SLC44A5: variants seen among roughly 807,000 people sequenced by gnomAD.
The protein encoded by SLC44A5 is choline transporter-like protein 5.
Under a neutral mutation model 101.8 loss-of-function variants are expected in SLC44A5, and 57 were observed. That is an observed-to-expected ratio of 0.56 (90% CI 0.45 to 0.70). SLC44A5 has a LOEUF of 0.70. Ranked by LOEUF, SLC44A5 falls within the 30% of genes least tolerant of loss-of-function variation. SLC44A5 has a pLI of 0.00. For synonymous variants in SLC44A5, 281 were observed against 290.9 expected (o/e 0.97, Z 0.35); for missense variants, 737 against 853.1 (o/e 0.86, Z 1.70).
At chr1:75,438,099 A>C (rs1294345013) in intron 2 of SLC44A5, among the ~76,000 whole-genome samples, 1 of 152,130 alleles carries the variant, frequency 6.6e-6, no homozygotes, top group Non-Finnish European at 1.5e-5. Flanking sequence ...AAAATCAAGC[A>C]ATTCAAAGCC....
intron 15 of SLC44A5, among the ~76,000 whole-genome samples, 163 bp from the exon 16 acceptor site, chr1:75,219,507 G>A (rs1196597441): frequency 6.6e-6 from 1 of 152,048 alleles, no homozygotes; most frequent in Non-Finnish European, 1.5e-5. Flanking sequence ...AATGTAATGT[G>A]GGCCAGCTGC....
intron 4 of SLC44A5, among the ~76,000 whole-genome samples, chr1:75,335,045 C>T (rs142089042): frequency 3.9e-5 from 6 of 152,294 alleles, no homozygotes; most frequent in East Asian, 1.9e-4. Context: ...ACCAGTCCAC[C>T]GGTACTAATT....
chr1:75,420,537 T>A (rs2101556165), intron 2 of SLC44A5, among the ~76,000 whole-genome samples: 1 of 152,254 alleles, frequency 6.6e-6, no homozygotes, highest in Non-Finnish European at 1.5e-5. Flanking sequence ...TTTACATAAA[T>A]TTTGAAAAAG....
intron 3 of SLC44A5, among the ~76,000 whole-genome samples, chr1:75,395,076 G>A (rs1015931066): frequency 5.3e-5 from 8 of 151,960 alleles, no homozygotes; most frequent in Non-Finnish European, 8.8e-5. Flanking sequence ...AGCACTCAGT[G>A]GTACTTCTCT....
chr1:75,218,780 C>T, intron 16 of SLC44A5, 28 bp from the exon 17 acceptor site: 1 of 1,588,678 alleles, frequency 6.3e-7, no homozygotes, highest in Admixed American at 1.8e-5. Context: ...AACACAAGGA[C>T]ATAATATTAA....
chr1:75,588,576 T>TC (rs1674156821), intron 1 of SLC44A5, among the ~76,000 whole-genome samples: 1 of 152,114 alleles, frequency 6.6e-6, no homozygotes, highest in Non-Finnish European at 1.5e-5. Flanking sequence ...TGGGGTTTTT[T>TC]CTCCCCATCC....
intron 7 of SLC44A5, among the ~76,000 whole-genome samples, chr1:75,245,441 C>T (rs1329964055): frequency 6.6e-6 from 1 of 152,010 alleles, no homozygotes; most frequent in Non-Finnish European, 1.5e-5. Context: ...CTGAATAAAC[C>T]ATTAACATAT....
At chr1:75,694,047 G>A in the SLC44A5 span, among the ~76,000 whole-genome samples, 1 of 151,224 alleles carries the variant, frequency 6.6e-6, no homozygotes, top group Admixed American at 6.6e-5. Context: ...AGGAAATGGA[G>A]TTGAGTTTTT....
chr1:75,422,384 T>G (rs529919782), intron 2 of SLC44A5, among the ~76,000 whole-genome samples: 74 of 152,346 alleles, frequency 4.9e-4, no homozygotes, highest in African/African-American at 1.8e-3. Context: ...GCACAGTGTT[T>G]TGGACTTACA....
intron 3 of SLC44A5, among the ~76,000 whole-genome samples, chr1:75,391,002 G>C (rs930827947): frequency 6.6e-6 from 1 of 152,044 alleles, no homozygotes; most frequent in South Asian, 2.1e-4. Context: ...AAAGTTTTAG[G>C]ATACAAAATC....
chr1:75,465,746 G>C (rs765692723), intron 2 of SLC44A5, among the ~76,000 whole-genome samples: 1 of 152,078 alleles, frequency 6.6e-6, no homozygotes, highest in South Asian at 2.1e-4. Context: ...TGGCTACTAT[G>C]AGCAACTATA....
At chr1:75,475,950 C>T (rs545138855) in intron 2 of SLC44A5, among the ~76,000 whole-genome samples, 16 of 152,222 alleles carry the variant, frequency 1.1e-4, no homozygotes, top group East Asian at 5.8e-4. Context: ...TTCGGGAAGC[C>T]GAGGTGGGCG....
chr1:75,253,982 G>A (rs904696693), intron 6 of SLC44A5, among the ~76,000 whole-genome samples: 3 of 151,636 alleles, frequency 2.0e-5, no homozygotes, highest in South Asian at 4.2e-4. Flanking sequence ...TAGTATTTCA[G>A]CACAAATCTA....
intron 2 of SLC44A5, among the ~76,000 whole-genome samples, chr1:75,448,989 C>G (rs1391592376): frequency 6.6e-6 from 1 of 152,236 alleles, no homozygotes; most frequent in South Asian, 2.1e-4. Flanking sequence ...ACAGCATGCT[C>G]TCTCCCACCA....
At chr1:75,459,073 GC>G (rs2101686791) in intron 2 of SLC44A5, among the ~76,000 whole-genome samples, 2 of 152,254 alleles carry the variant, frequency 1.3e-5, no homozygotes, top group East Asian at 1.9e-4. Context: ...GAGGGATAGT[GC>G]CCCGGAGAAA....
intron 5 of SLC44A5, among the ~76,000 whole-genome samples, chr1:75,297,105 T>C (rs1654024335): frequency 6.6e-6 from 1 of 152,148 alleles, no homozygotes; most frequent in Non-Finnish European, 1.5e-5. Context: ...TGCATTAACT[T>C]TCTTGTTAAC....
intron 1 of SLC44A5, among the ~76,000 whole-genome samples, chr1:75,542,206 G>A (rs1671394072): frequency 6.6e-6 from 1 of 152,010 alleles, no homozygotes; most frequent in Non-Finnish European, 1.5e-5. Flanking sequence ...AAAAGCTGCA[G>A]AAATATACAG....
chr1:75,350,777 C>T (rs1161801369), intron 3 of SLC44A5, among the ~76,000 whole-genome samples: 8 of 151,088 alleles, frequency 5.3e-5, no homozygotes, highest in Non-Finnish European at 8.8e-5. Context: ...ACCTGTAATC[C>T]CAGCTACTTG....
intron 1 of SLC44A5, among the ~76,000 whole-genome samples, chr1:75,583,548 A>G (rs211679): frequency 0.86 from 130,679 of 152,110 alleles, 56,589 homozygotes; most frequent in Admixed American, 0.91. Flanking sequence ...TTGTTGCCCC[A>G]CAGTCAAGGG....
Sources: allele counts gnomAD v4.1 joint callset (sites outside exome capture counted in the v4.1 genomes callset), GRCh38; gene constraint gnomAD v4.1.1; transcripts MANE v1.5; gene names NCBI Gene and HGNC (gene_info 2026-07-23, HGNC 2026-07-21).